The following RPP30 variants were observed in gnomAD, a reference collection of about 807,000 sequenced individuals.
RPP30 encodes ribonuclease P protein subunit p30.
In RPP30, 36 loss-of-function variants were observed where a neutral mutation model predicts 38.6. That is an observed-to-expected ratio of 0.93 (90% confidence interval 0.71 to 1.23). The LOEUF (loss-of-function observed/expected upper bound fraction) is 1.23. Among genes scored for constraint, RPP30 ranks in the 50% most tolerant of loss-of-function variants. RPP30 has a pLI of 0.00. For synonymous variants in RPP30, 126 were observed against 112.7 expected (o/e 1.12, Z -0.75); for missense variants, 321 against 321.7 (o/e 1.00, Z 0.02).
intron 6 of RPP30, among the ~76,000 whole-genome samples, chr10:90,893,738 C>A (rs1199097843): frequency 6.6e-6 from 1 of 152,204 alleles, no homozygotes; most frequent in Non-Finnish European, 1.5e-5. Flanking sequence ...CTTCCTCAAC[C>A]CTAAACTTCT....
intron 6 of RPP30, among the ~76,000 whole-genome samples, chr10:90,888,200 A>G (rs1001351790): frequency 1.3e-5 from 2 of 152,202 alleles, no homozygotes; most frequent in Non-Finnish European, 2.9e-5. Context: ...CTTCATCTTA[A>G]TGAACTAGGA....
At chr10:90,903,208 A>G (rs182224443), downstream of RPP30, 665 of 1,603,100 alleles carry the variant, frequency 4.1e-4, 3 homozygotes, top group African/African-American at 7.6e-3. Flanking sequence ...GAATTCAACA[A>G]AGACAACTTT....
At chr10:90,896,476 C>G (rs1218637715) in intron 10 of RPP30, 84 bp downstream of exon 10, 1 of 1,038,470 alleles carries the variant, frequency 9.6e-7, no homozygotes, top group African/African-American at 1.6e-5. Context: ...TATTGCCCTA[C>G]CCTACAGAGT....
At chr10:90,872,195 G>T in intron 1 of RPP30, 127 bp downstream of exon 1, 1 of 782,616 alleles carries the variant, frequency 1.3e-6, no homozygotes, top group East Asian at 2.5e-5. Context: ...GTCCCTGGAG[G>T]CTGATGCCCG....
chr10:90,895,776 A>AT (rs1290140745), intron 8 of RPP30, 104 bp from the exon 9 acceptor site: 10 of 847,284 alleles, frequency 1.2e-5, no homozygotes, highest in South Asian at 7.5e-5. Flanking sequence ...AATTTATGTA[A>AT]TTTTTTTATT....
In RPP30 at chr10:90,900,605, G is replaced by A; in HGVS notation, c.733G>A (p.Val245Met). The A allele has an allele frequency of 6.2e-7, 1 of 1,613,568 alleles. No homozygotes were observed. Among genetic ancestry groups the A allele is most frequent in the Non-Finnish European group, 8.5e-7 (1 of 1,179,762 alleles). The change falls in exon 11 of 11, where the codon GTG becomes ATG. Residue 245 changes from valine to methionine, a missense_variant. Coordinates refer to ENST00000371703, the MANE Select transcript of RPP30 (RefSeq NM_006413.5). Reference protein sequence around the residue: ...RKTAFGIISTVKKPRPSEGDE... With the variant: ...RKTAFGIISTMKKPRPSEGDE... ...AACTGCTTTTGGAATTATCTCTACAGTGAAGAAACCTCGGCCATCAGAAGG... is the reference window on the plus strand; with the variant it reads ...AACTGCTTTTGGAATTATCTCTACAATGAAGAAACCTCGGCCATCAGAAGG...
intron 6 of RPP30, among the ~76,000 whole-genome samples, chr10:90,892,662 G>A (rs979000436): frequency 6.6e-6 from 1 of 151,818 alleles, no homozygotes; most frequent in South Asian, 2.1e-4. Context: ...TTGTATTATC[G>A]TTCCACAACT....
chr10:90,879,369 G>C (rs546061535), intron 5 of RPP30, among the ~76,000 whole-genome samples: 1 of 151,980 alleles, frequency 6.6e-6, no homozygotes, highest in Non-Finnish European at 1.5e-5. Flanking sequence ...GAAAGAGCCC[G>C]TTTTCTTCTG....
chr10:90,883,675 G>A (rs2120199881), intron 5 of RPP30, among the ~76,000 whole-genome samples: 1 of 152,250 alleles, frequency 6.6e-6, no homozygotes, highest in Admixed American at 6.5e-5. Flanking sequence ...TGTAGGAAAA[G>A]GGAAGAAAGG....
downstream of RPP30, chr10:90,903,277 G>C (rs763496502): frequency 6.3e-7 from 1 of 1,594,168 alleles, no homozygotes; most frequent in Non-Finnish European, 8.6e-7. Context: ...TCTTTAAAAG[G>C]TTGGTACCCA....
chr10:90,894,994 C>T (rs780417527), intron 7 of RPP30, 103 bp downstream of exon 7: 17 of 858,926 alleles, frequency 2.0e-5, no homozygotes, highest in Non-Finnish European at 2.4e-5. Flanking sequence ...GCAGAATGTT[C>T]TCATAGCATA....
In RPP30 at chr10:90,872,009, A is replaced by C; in HGVS notation, c.23A>C (p.Asp8Ala). 6.2e-7 allele frequency: 1 copy of C among 1,613,942 alleles called. No homozygotes were observed. The change falls in exon 1 of 11, where the codon GAC becomes GCC. Residue 8 changes from aspartate to alanine, a missense_variant. Coordinates refer to ENST00000371703, the MANE Select transcript of RPP30 (RefSeq NM_006413.5). ...AGCATGGCGGTGTTTGCAGATTTGG[A>C]CCTGCGAGCGGGTTCTGACCTGAAG... Reference protein sequence around the residue: MAVFADLDLRAGSDLKAL... With the variant: MAVFADLALRAGSDLKAL...
chr10:90,881,065 C>T (rs905283204), intron 5 of RPP30, among the ~76,000 whole-genome samples: 6 of 152,156 alleles, frequency 3.9e-5, no homozygotes, highest in Non-Finnish European at 8.8e-5. Flanking sequence ...ATAAAAGTTG[C>T]AGATGTACCA....
At chr10:90,895,666 T>G (rs562123375) in intron 8 of RPP30, 183 bp downstream of exon 8, 3 of 490,948 alleles carry the variant, frequency 6.1e-6, no homozygotes, top group Non-Finnish European at 1.0e-5. Flanking sequence ...TCAACTTTTG[T>G]TTATATAATC....
chr10:90,890,202 AC>A (rs1847059807), intron 6 of RPP30, among the ~76,000 whole-genome samples: 2 of 152,340 alleles, frequency 1.3e-5, no homozygotes, highest in East Asian at 3.9e-4. Flanking sequence ...TTTTAAAGTT[AC>A]TTTACAGCAG....
chr10:90,898,724 G>C (rs527526528), intron 10 of RPP30, among the ~76,000 whole-genome samples: 10 of 152,320 alleles, frequency 6.6e-5, no homozygotes, highest in East Asian at 1.9e-4. Context: ...AACTTGGAAG[G>C]CTTGCCACAG....
At chr10:90,879,418 A>G (rs1022225711) in intron 5 of RPP30, among the ~76,000 whole-genome samples, 1 of 152,068 alleles carries the variant, frequency 6.6e-6, no homozygotes, top group African/African-American at 2.4e-5. Flanking sequence ...AACTTCTCTT[A>G]GCTAAGTGTT....
Position 90,885,886 on chromosome 10 carries a change from A to G in RPP30, c.417A>G (p.Arg139=). Reference sequence around the variant, plus strand: ...AGAAACTACCATTTTACTTCAAAAGACCTCCTATTAATGTGGTAAGTGTAC... The same window carrying G: ...AGAAACTACCATTTTACTTCAAAAGGCCTCCTATTAATGTGGTAAGTGTAC... ...VTEKLPFYFK[R]PPINVAIDRG... The change falls in exon 6 of 11, where the codon AGA becomes AGG. Residue 139 remains arginine (R), a synonymous_variant. Coordinates refer to ENST00000371703, the MANE Select transcript of RPP30 (RefSeq NM_006413.5). The G allele has an allele frequency of 1.3e-6, 2 of 1,598,486 alleles. No homozygotes were observed. The highest frequency in any genetic ancestry group is 1.7e-6 in the Non-Finnish European group (2 of 1,167,748).
chr10:90,874,711 G>A (rs1362037805), intron 1 of RPP30, among the ~76,000 whole-genome samples, 158 bp from the exon 2 acceptor site: 1 of 152,166 alleles, frequency 6.6e-6, no homozygotes, highest in Admixed American at 6.5e-5. Flanking sequence ...AAGTGGTAGT[G>A]CATAGACTTT....
Sources: allele counts gnomAD v4.1 joint callset (sites outside exome capture counted in the v4.1 genomes callset), GRCh38; gene constraint gnomAD v4.1.1; transcripts MANE v1.5; gene names NCBI Gene and HGNC (gene_info 2026-07-23, HGNC 2026-07-21).